The following APBB1IP variants were observed in gnomAD, a reference collection of about 807,000 sequenced individuals.
The protein encoded by APBB1IP is amyloid beta precursor protein binding family B member 1 interacting protein, also known as amyloid beta A4 precursor protein-binding family B member 1-interacting protein.
Under a neutral mutation model 64.9 loss-of-function variants are expected in APBB1IP, and 27 were observed. That is an observed-to-expected ratio of 0.42 (90% CI 0.31 to 0.57). The LOEUF (loss-of-function observed/expected upper bound fraction) is 0.57. Among genes scored for constraint, APBB1IP ranks in the 20% least tolerant of loss-of-function variants. The probability of loss-of-function intolerance (pLI) is 0.20; values close to 1 mark genes in which losing one functional copy is unlikely to be tolerated. For missense variants in APBB1IP, 812 were observed against 845.5 expected, an observed-to-expected ratio of 0.96 and a Z score of 0.49; for synonymous variants, 392 against 331.0, an observed-to-expected ratio of 1.18 and a Z score of -2.00.
rs79223528 is a variant in APBB1IP, at chr10:26,453,542, C to T, written c.-1+14689C>T. Among the ~76,000 whole-genome samples the T allele has an allele frequency of 2.5e-3, 379 of 152,206 alleles. 1 individual carries two copies. The highest frequency in any genetic ancestry group is 8.4e-3 in the African/African-American group (347 of 41,532). ...TCATTCATCTCCTGCTTGCCTTTCT[C>T]TGATGACGTGGACTTGCCAGATTTG... On this transcript the variant is annotated intron_variant, in intron 2 of 14. Coordinates refer to ENST00000376236, the MANE Select transcript of APBB1IP (RefSeq NM_019043.4).
intron 10 of APBB1IP, among the ~76,000 whole-genome samples, chr10:26,537,259 A>G (rs1374102585): frequency 1.3e-5 from 2 of 152,164 alleles, no homozygotes; most frequent in Non-Finnish European, 2.9e-5. Context: ...CACCAATGGT[A>G]TATTCATGCA....
intron 2 of APBB1IP, among the ~76,000 whole-genome samples, chr10:26,468,755 G>A (rs367565735): frequency 3.3e-5 from 5 of 152,166 alleles, no homozygotes; most frequent in South Asian, 2.1e-4. Flanking sequence ...CCAGCTCATC[G>A]GCTCTTTCTG....
At chr10:26,504,709 C>CA (rs747735992) in intron 6 of APBB1IP, among the ~76,000 whole-genome samples, 42 of 137,468 alleles carry the variant, frequency 3.1e-4, no homozygotes, top group East Asian at 8.2e-4. Context: ...GACTCCATCT[C>CA]AAAAAAAAAA....
chr10:26,492,684 T>C (rs1399515291), intron 3 of APBB1IP, among the ~76,000 whole-genome samples: 3 of 152,116 alleles, frequency 2.0e-5, no homozygotes, highest in Non-Finnish European at 4.4e-5. Context: ...AAGTTTTTAT[T>C]AGCAATTTTC....
chr10:26,521,913 G>A (rs1016808859), intron 8 of APBB1IP, among the ~76,000 whole-genome samples: 2 of 152,020 alleles, frequency 1.3e-5, no homozygotes, highest in Non-Finnish European at 2.9e-5. Flanking sequence ...ACCATGCCCA[G>A]CTAATTTTTG....
chr10:26,476,184 G>A (rs562103461), intron 2 of APBB1IP, among the ~76,000 whole-genome samples: 4 of 151,396 alleles, frequency 2.6e-5, no homozygotes, highest in East Asian at 1.9e-4. Flanking sequence ...TCAGCCTCCC[G>A]AGCAGCTGGG....
intron 2 of APBB1IP, among the ~76,000 whole-genome samples, chr10:26,439,407 G>A (rs1013475417): frequency 6.6e-6 from 1 of 151,988 alleles, no homozygotes; most frequent in East Asian, 1.9e-4. Flanking sequence ...TTTTTCCCCC[G>A]AATATTCTCA....
At chr10:26,485,828 T>C (rs1249311154) in intron 2 of APBB1IP, among the ~76,000 whole-genome samples, 1 of 152,204 alleles carries the variant, frequency 6.6e-6, no homozygotes, top group East Asian at 1.9e-4. Context: ...GGATTTTGAA[T>C]GATCAGTAGG....
At position 26,524,974 on chromosome 10, in the gene APBB1IP, T is replaced by TTTTTTTTTTTTTTTTTTTTTTTA. The variant is rs1554778195; in HGVS notation, c.814-8465_814-8464insTTTTTTTTTTTTTTTTTTTTTTA. ...TTCTTTCTTTTTTTTTTTTTTTTTT[T>TTTTTTTTTTTTTTTTTTTTTTTA]ATAAAAAAAGGAATCCTGGCAAGAG... On this transcript the variant is annotated intron_variant, in intron 8 of 14. Coordinates refer to ENST00000376236, the MANE Select transcript of APBB1IP (RefSeq NM_019043.4). 2.8e-4 allele frequency among the ~76,000 whole-genome samples: 35 copies of TTTTTTTTTTTTTTTTTTTTTTTA among 126,756 alleles called. 1 individual carries two copies. The highest frequency in any genetic ancestry group is 5.0e-4 in the Admixed American group (6 of 12,000). The allele number at this position is 126,756 out of a possible 152,430, so 83.2% of individuals were successfully genotyped here. A position where few individuals can be genotyped will look rare whatever the true frequency, so the allele number is the denominator to read the frequency against.
At chr10:26,494,235 C>A (rs1835992721) in intron 3 of APBB1IP, among the ~76,000 whole-genome samples, 1 of 152,192 alleles carries the variant, frequency 6.6e-6, no homozygotes, top group African/African-American at 2.4e-5. Context: ...CAGATTGACT[C>A]AGAGGTCACT....
intron 2 of APBB1IP, among the ~76,000 whole-genome samples, chr10:26,462,654 A>G (rs1537748): frequency 0.37 from 55,478 of 151,950 alleles, 10,203 homozygotes; most frequent in South Asian, 0.5. Flanking sequence ...TTTTTCATCT[A>G]TATTTGTAAG....
chr10:26,450,664 AC>A (rs1342490776), intron 2 of APBB1IP, among the ~76,000 whole-genome samples: 4 of 146,454 alleles, frequency 2.7e-5, no homozygotes, highest in Non-Finnish European at 6.0e-5. Flanking sequence ...TTGTTCCCTG[AC>A]CCCTGCCCTC....
At chr10:26,511,931 C>T (rs1428867851) in intron 7 of APBB1IP, 25 bp downstream of exon 7, 1 of 1,611,504 alleles carries the variant, frequency 6.2e-7, no homozygotes, top group Non-Finnish European at 8.5e-7. Context: ...CAGCAATGGG[C>T]TGTACTCCAA....
chr10:26,561,831 C>G (rs908920452), intron 13 of APBB1IP: 1 of 152,300 alleles, frequency 6.6e-6, no homozygotes, highest in African/African-American at 2.4e-5. Context: ...TCTGTTGTTT[C>G]TGTGTCCAAT....
At chr10:26,521,375 G>A (rs1205601297) in intron 8 of APBB1IP, among the ~76,000 whole-genome samples, 3 of 152,178 alleles carry the variant, frequency 2.0e-5, no homozygotes, top group African/African-American at 4.8e-5. Flanking sequence ...AGGACCCAGA[G>A]GCATCTCATT....
At chr10:26,565,693 G>T (rs1334537928) in intron 14 of APBB1IP, among the ~76,000 whole-genome samples, 1 of 152,236 alleles carries the variant, frequency 6.6e-6, no homozygotes, top group Non-Finnish European at 1.5e-5. Flanking sequence ...GGAAAAGGTG[G>T]TTTATTTGGA....
At chr10:26,534,245 G>A (rs1482357125) in intron 9 of APBB1IP, among the ~76,000 whole-genome samples, 1 of 138,008 alleles carries the variant, frequency 7.2e-6, no homozygotes, top group Non-Finnish European at 1.5e-5. Context: ...AGGATCACTT[G>A]AGTCCAGGAG....
At chr10:26,478,359 G>T (rs569566632) in intron 2 of APBB1IP, among the ~76,000 whole-genome samples, 2 of 152,160 alleles carry the variant, frequency 1.3e-5, no homozygotes, top group African/African-American at 2.4e-5. Context: ...GGATGGAGGC[G>T]GTTGAGAAGG....
intron 2 of APBB1IP, among the ~76,000 whole-genome samples, chr10:26,471,899 G>A (rs1276012918): frequency 2.6e-5 from 4 of 152,138 alleles, no homozygotes; most frequent in African/African-American, 9.7e-5. Flanking sequence ...TGGCCAAGAT[G>A]GTCTCCATCT....
Sources: gnomAD v4.1 joint callset for allele counts (sites outside exome capture counted in the v4.1 genomes callset) on GRCh38, gnomAD v4.1.1 for gene constraint, MANE v1.5 for transcripts, NCBI Gene and HGNC (gene_info 2026-07-23, HGNC 2026-07-21) for gene names.